RNF150: variants seen among roughly 807,000 people sequenced by gnomAD.
RNF150 encodes the protein ring finger protein 150.
RNF150 carries 24 observed loss-of-function variants against 39.3 expected under a neutral mutation model. The ratio of observed to expected loss-of-function variants is 0.61; its 90% CI spans 0.44 to 0.86. The LOEUF (loss-of-function observed/expected upper bound fraction) is 0.86. Among genes scored for constraint, RNF150 ranks in the 40% least tolerant of loss-of-function variants. RNF150 has a pLI of 0.00. For synonymous variants in RNF150, 255 were observed against 227.3 expected, an observed-to-expected ratio of 1.12 and a Z score of -1.10; for missense variants, 502 against 587.8, an observed-to-expected ratio of 0.85 and a Z score of 1.51.
chr4:141,173,035 A>G (rs1727758042), intron 1 of RNF150, among the ~76,000 whole-genome samples: 1 of 146,260 alleles, frequency 6.8e-6, no homozygotes, highest in South Asian at 2.2e-4. Context: ...TTAAAAAAAG[A>G]AAAAAAAAAA....
intron 1 of RNF150, among the ~76,000 whole-genome samples, chr4:141,044,925 T>G (rs1374818975): frequency 6.6e-6 from 1 of 152,242 alleles, no homozygotes; most frequent in African/African-American, 2.4e-5. Flanking sequence ...TTTAATATAT[T>G]AATGTTCTTA....
At chr4:141,055,360 T>C (rs1326493671) in intron 1 of RNF150, among the ~76,000 whole-genome samples, 1 of 152,204 alleles carries the variant, frequency 6.6e-6, no homozygotes, top group Non-Finnish European at 1.5e-5. Context: ...GTCATCTATA[T>C]AGAAGAGCAA....
chr4:141,068,102 T>C (rs1044654506), intron 1 of RNF150, among the ~76,000 whole-genome samples: 11 of 152,078 alleles, frequency 7.2e-5, no homozygotes, highest in African/African-American at 2.7e-4. Flanking sequence ...TGCGTCACCA[T>C]GCCCAGCTAA....
intron 5 of RNF150, among the ~76,000 whole-genome samples, chr4:140,912,153 T>C (rs1049143251): frequency 6.6e-6 from 1 of 152,192 alleles, no homozygotes; most frequent in Non-Finnish European, 1.5e-5. Flanking sequence ...TGGCGTCTAT[T>C]ATTATTGGGC....
chr4:140,992,092 T>C (rs1463214310), intron 1 of RNF150, among the ~76,000 whole-genome samples: 1 of 152,254 alleles, frequency 6.6e-6, no homozygotes, highest in Non-Finnish European at 1.5e-5. Context: ...GTTGTCTTTA[T>C]ATAAAACTTT....
chr4:141,203,939 G>T (rs752646669), intron 1 of RNF150, among the ~76,000 whole-genome samples: 2 of 152,048 alleles, frequency 1.3e-5, no homozygotes, highest in African/African-American at 2.4e-5. Flanking sequence ...GGAAAGATGA[G>T]TAGGACCCAG....
chr4:141,025,539 A>G (rs1735664892), intron 1 of RNF150, among the ~76,000 whole-genome samples: 1 of 152,180 alleles, frequency 6.6e-6, no homozygotes, highest in Non-Finnish European at 1.5e-5. Context: ...CTGAAAAAAA[A>G]TGAAAAATGA....
chr4:141,129,557 C>T (rs1001161708), intron 1 of RNF150, among the ~76,000 whole-genome samples: 4 of 152,100 alleles, frequency 2.6e-5, no homozygotes, highest in Non-Finnish European at 5.9e-5. Context: ...ACAACTCAGT[C>T]AATACACTAA....
intron 6 of RNF150, among the ~76,000 whole-genome samples, chr4:140,884,062 C>T (rs1470065591): frequency 6.6e-6 from 1 of 152,010 alleles, no homozygotes; most frequent in African/African-American, 2.4e-5. Flanking sequence ...ATCAAGTCTG[C>T]TGTTAATCTC....
At chr4:141,091,869 G>A (rs922549694) in intron 1 of RNF150, among the ~76,000 whole-genome samples, 2 of 152,096 alleles carry the variant, frequency 1.3e-5, no homozygotes, top group East Asian at 3.9e-4. Context: ...TCACCACCAC[G>A]GGTTTCACTG....
Position 140,860,295 on chromosome 4 carries a change from A to G in RNF150, c.*7966T>C, listed in dbSNP as rs1420384607. On this transcript the variant is annotated 3_prime_UTR_variant, in exon 7 of 7. Transcript: ENST00000515673. ...AACTAATCATCTCAATATGCACACAACTTTGTACAGAAGATTAGTTTTGGG... is the reference window on the plus strand; with the variant it reads ...AACTAATCATCTCAATATGCACACAGCTTTGTACAGAAGATTAGTTTTGGG... The G allele has an allele frequency of 2.0e-5, 3 of 152,204 alleles. No homozygotes were observed. The highest frequency in any genetic ancestry group is 7.2e-5 in the African/African-American group (3 of 41,466). The allele number at this position is 152,204 out of a possible 1,614,324, so 9.4% of individuals were successfully genotyped here. A position where few individuals can be genotyped will look rare whatever the true frequency, so the allele number is the denominator to read the frequency against.
chr4:140,918,461 A>G (rs79831917), intron 5 of RNF150, among the ~76,000 whole-genome samples: 83,870 of 151,988 alleles, frequency 0.55, 23,645 homozygotes, highest in East Asian at 0.89. Flanking sequence ...CTGGACACAT[A>G]CACCCTCCTA....
intron 1 of RNF150, among the ~76,000 whole-genome samples, chr4:141,192,354 T>G (rs1728124605): frequency 6.6e-6 from 1 of 152,160 alleles, no homozygotes; most frequent in Non-Finnish European, 1.5e-5. Context: ...GGCTGTTACT[T>G]AAAAGTACAC....
intron 1 of RNF150, among the ~76,000 whole-genome samples, chr4:141,125,524 T>C (rs1238212692): frequency 6.6e-6 from 1 of 152,202 alleles, no homozygotes; most frequent in African/African-American, 2.4e-5. Context: ...GAAATATTTC[T>C]TCTAGGGATA....
chr4:140,992,544 C>T (rs1472402027), intron 1 of RNF150, among the ~76,000 whole-genome samples: 8 of 151,982 alleles, frequency 5.3e-5, no homozygotes, highest in Admixed American at 1.3e-4. Context: ...CTGCTGTTAG[C>T]GGGAGAGAGG....
At chr4:141,120,370 G>C (rs1726569189) in intron 1 of RNF150, among the ~76,000 whole-genome samples, 1 of 152,114 alleles carries the variant, frequency 6.6e-6, no homozygotes, top group Non-Finnish European at 1.5e-5. Context: ...AGACTGATAG[G>C]AGAATCTGAA....
intron 1 of RNF150, among the ~76,000 whole-genome samples, chr4:141,002,599 T>C (rs1734705508): frequency 7.7e-6 from 1 of 130,054 alleles, no homozygotes; most frequent in African/African-American, 2.9e-5. Flanking sequence ...AATAATACCA[T>C]TTGGCCTAAT....
At chr4:140,870,688 G>A (rs1235075321) in intron 6 of RNF150, among the ~76,000 whole-genome samples, 1 of 152,134 alleles carries the variant, frequency 6.6e-6, no homozygotes, top group Non-Finnish European at 1.5e-5. Context: ...GAGTCTGAGT[G>A]AGCAGTGGCT....
intron 6 of RNF150, among the ~76,000 whole-genome samples, chr4:140,870,368 A>G (rs1000472414): frequency 5.3e-5 from 8 of 152,184 alleles, no homozygotes; most frequent in Admixed American, 1.3e-4. Context: ...TTTAGAAAAA[A>G]GTGAAACTGG....
Sources: gnomAD v4.1 joint callset for allele counts (sites outside exome capture counted in the v4.1 genomes callset) on GRCh38, gnomAD v4.1.1 for gene constraint, MANE v1.5 for transcripts, NCBI Gene and HGNC (gene_info 2026-07-23, HGNC 2026-07-21) for gene names.